Variants in CTDSPL2 observed in about 807,000 individuals in gnomAD.
The protein encoded by CTDSPL2 is CTD small phosphatase like 2, also known as CTD small phosphatase-like protein 2.
In CTDSPL2, 5 loss-of-function variants were observed where a neutral mutation model predicts 60.0. The ratio of observed to expected loss-of-function variants is 0.08; its 90% CI spans 0.04 to 0.18. The LOEUF (loss-of-function observed/expected upper bound fraction) is 0.18. Ranked by LOEUF, CTDSPL2 falls within the 10% of genes least tolerant of loss-of-function variation. CTDSPL2 has a pLI of 1.00. For synonymous variants in CTDSPL2, 186 were observed against 189.3 expected (o/e 0.98, Z 0.14); for missense variants, 370 against 548.8 (o/e 0.67, Z 3.26).
At chr15:44,436,261 A>G (rs1411810335) in intron 1 of CTDSPL2, among the ~76,000 whole-genome samples, 1 of 152,246 alleles carries the variant, frequency 6.6e-6, no homozygotes, top group Non-Finnish European at 1.5e-5. Context: ...TAACAGACCC[A>G]GAGAATTTTA....
At chr15:44,441,441 G>A (rs1301448584) in intron 1 of CTDSPL2, among the ~76,000 whole-genome samples, 1 of 152,204 alleles carries the variant, frequency 6.6e-6, no homozygotes, top group Non-Finnish European at 1.5e-5. Flanking sequence ...AGCCTTTGGT[G>A]GAGGTCTGTG....
At chr15:44,491,355 C>T (rs1203876188) in intron 5 of CTDSPL2, among the ~76,000 whole-genome samples, 1 of 152,192 alleles carries the variant, frequency 6.6e-6, no homozygotes, top group Non-Finnish European at 1.5e-5. Context: ...TAGCTAGAGG[C>T]AGTCTCATAC....
chr15:44,519,906 C>A (rs2081731931), intron 11 of CTDSPL2: 1 of 152,674 alleles, frequency 6.5e-6, no homozygotes, highest in African/African-American at 2.4e-5. Context: ...TCCCGAGTAG[C>A]TGGGATTACA....
intron 8 of CTDSPL2, among the ~76,000 whole-genome samples, chr15:44,506,134 A>G (rs926408790): frequency 4.0e-5 from 6 of 150,832 alleles, no homozygotes; most frequent in Non-Finnish European, 7.4e-5. Flanking sequence ...GGTTCAAGAA[A>G]TTCTCCTGCC....
intron 1 of CTDSPL2, among the ~76,000 whole-genome samples, chr15:44,450,654 CG>C (rs1391796282): frequency 7.8e-6 from 1 of 127,786 alleles, no homozygotes; most frequent in Non-Finnish European, 1.5e-5. Flanking sequence ...TGGAGTATAG[CG>C]GTGCAACCTT....
At chr15:44,523,604 A>C (rs973918151) in intron 12 of CTDSPL2, among the ~76,000 whole-genome samples, 1 of 152,016 alleles carries the variant, frequency 6.6e-6, no homozygotes, top group Non-Finnish European at 1.5e-5. Context: ...AGACCCTGTC[A>C]TTCATTCATT....
At chr15:44,447,405 C>T (rs1021674241) in intron 1 of CTDSPL2, among the ~76,000 whole-genome samples, 1 of 152,076 alleles carries the variant, frequency 6.6e-6, no homozygotes, top group Admixed American at 6.6e-5. Flanking sequence ...TTGCATATTA[C>T]AATCTCAATG....
At chr15:44,509,453 C>T (rs58297492) in intron 8 of CTDSPL2, among the ~76,000 whole-genome samples, 11 of 152,192 alleles carry the variant, frequency 7.2e-5, no homozygotes, top group East Asian at 3.9e-4. Flanking sequence ...GTGATCCGCC[C>T]GCCTTGGCCT....
chr15:44,457,643 G>C (rs896490392), intron 1 of CTDSPL2, among the ~76,000 whole-genome samples: 2 of 151,958 alleles, frequency 1.3e-5, no homozygotes, highest in African/African-American at 4.8e-5. Context: ...ATGGAATCTC[G>C]CTCTGTTGCC....
At chr15:44,465,019 T>TG (rs1439247369) in intron 2 of CTDSPL2, among the ~76,000 whole-genome samples, 7 of 152,186 alleles carry the variant, frequency 4.6e-5, no homozygotes, top group Non-Finnish European at 8.8e-5. Context: ...AAAACCCTTT[T>TG]AATTACTTTT....
At chr15:44,506,752 G>A (rs1013541992) in intron 8 of CTDSPL2, among the ~76,000 whole-genome samples, 1 of 150,610 alleles carries the variant, frequency 6.6e-6, no homozygotes, top group Non-Finnish European at 1.5e-5. Flanking sequence ...GTTGATTTCT[G>A]TTTGAGTAAG....
chr15:44,427,780 C>A lies in CTDSPL2; in HGVS notation c.-25+8C>A. ...CTCTGTCGTCACAGTTAGGTAATCC[C>A]CTTCGTCCAGACGCCGCCGCTGCTT... On this transcript the variant is annotated splice_region_variant and intron_variant, in intron 1 of 12. Transcript: ENST00000260327. 2.5e-6 allele frequency: 1 copy of A among 399,232 alleles called. No individual in the cohort carries two copies. The highest frequency in any genetic ancestry group is 1.3e-4 in the South Asian group (1 of 7,786). 24.7% of individuals were successfully genotyped at this position (399,232 alleles called of 1,614,324 possible). A position where few individuals can be genotyped will look rare whatever the true frequency, so the allele number is the denominator to read the frequency against.
At chr15:44,456,665 AT>A (rs1314183152) in intron 1 of CTDSPL2, among the ~76,000 whole-genome samples, 1 of 151,526 alleles carries the variant, frequency 6.6e-6, no homozygotes, top group African/African-American at 2.4e-5. Context: ...CGTCCTGTCA[AT>A]TTTGTTAATC....
At chr15:44,460,962 C>T (rs143059603) in intron 2 of CTDSPL2, among the ~76,000 whole-genome samples, 26 of 149,048 alleles carry the variant, frequency 1.7e-4, no homozygotes, top group African/African-American at 6.4e-4. Context: ...TCATAAAGTG[C>T]GTCCTCATCT....
At chr15:44,469,127 A>T (rs1315889843) in intron 2 of CTDSPL2, among the ~76,000 whole-genome samples, 1 of 152,164 alleles carries the variant, frequency 6.6e-6, no homozygotes, top group East Asian at 1.9e-4. Context: ...GGTTTATCAT[A>T]GGTGTATATA....
intron 2 of CTDSPL2, among the ~76,000 whole-genome samples, chr15:44,471,154 G>A (rs974010824): frequency 8.6e-5 from 13 of 151,914 alleles, no homozygotes; most frequent in African/African-American, 2.9e-4. Flanking sequence ...GGTTTCTTCC[G>A]CGTTACCACA....
chr15:44,489,251 T>C (rs1383088167), intron 4 of CTDSPL2, among the ~76,000 whole-genome samples: 1 of 151,384 alleles, frequency 6.6e-6, no homozygotes, highest in Non-Finnish European at 1.5e-5. Context: ...AGCCTGCAAC[T>C]AGGGTCTGAG....
intron 1 of CTDSPL2, among the ~76,000 whole-genome samples, chr15:44,431,798 AAC>A (rs2079865581): frequency 6.7e-6 from 1 of 148,234 alleles, no homozygotes; most frequent in African/African-American, 2.5e-5. Flanking sequence ...AGCTTACTGG[AAC>A]CTCTGCCTCC....
intron 1 of CTDSPL2, among the ~76,000 whole-genome samples, chr15:44,428,256 C>T (rs2079787771): frequency 6.6e-6 from 1 of 152,074 alleles, no homozygotes; most frequent in Non-Finnish European, 1.5e-5. Context: ...TGACTAAGTT[C>T]TGTTTATCTT....
Sources: allele counts gnomAD v4.1 joint callset (sites outside exome capture counted in the v4.1 genomes callset), GRCh38; gene constraint gnomAD v4.1.1; transcripts MANE v1.5; gene names NCBI Gene and HGNC (gene_info 2026-07-23, HGNC 2026-07-21).